ATRNL1: variants seen among roughly 807,000 people sequenced by gnomAD.
The protein encoded by ATRNL1 is attractin-like protein 1.
Under a neutral mutation model 182.7 loss-of-function variants are expected in ATRNL1, and 95 were observed. That is an observed-to-expected ratio of 0.52 (90% CI 0.44 to 0.62). The LOEUF is 0.62. ATRNL1 is among the 20% of genes least tolerant of loss of function. The probability of loss-of-function intolerance (pLI) is 0.00; values close to 1 mark genes in which losing one functional copy is unlikely to be tolerated. For synonymous variants in ATRNL1, 576 were observed against 568.3 expected (o/e 1.01, Z -0.19); for missense variants, 1,471 against 1,679.5 (o/e 0.88, Z 2.17).
intron 28 of ATRNL1, among the ~76,000 whole-genome samples, chr10:115,870,407 T>C (rs1414233014): frequency 6.6e-6 from 1 of 152,232 alleles, no homozygotes; most frequent in Admixed American, 6.5e-5. Context: ...TCCTTTTGCA[T>C]ATGAAGGGCC....
intron 27 of ATRNL1, among the ~76,000 whole-genome samples, chr10:115,735,698 A>G (rs1947931074): frequency 6.6e-6 from 1 of 152,238 alleles, no homozygotes; most frequent in Non-Finnish European, 1.5e-5. Context: ...ACAGCTACTA[A>G]GTGATGAATG....
chr10:115,672,365 T>C (rs549432831), intron 26 of ATRNL1, among the ~76,000 whole-genome samples: 3 of 152,272 alleles, frequency 2.0e-5, no homozygotes, highest in East Asian at 1.9e-4. Context: ...TCCAACTTAT[T>C]GTATTCCTTT....
intron 24 of ATRNL1, among the ~76,000 whole-genome samples, chr10:115,485,776 G>A (rs1554975005): frequency 6.6e-6 from 1 of 151,704 alleles, no homozygotes; most frequent in East Asian, 1.9e-4. Context: ...TAATTTCTGG[G>A]GTACATGTGC....
intron 9 of ATRNL1, among the ~76,000 whole-genome samples, chr10:115,218,275 A>G (rs995129002): frequency 6.6e-6 from 1 of 152,170 alleles, no homozygotes; most frequent in Admixed American, 6.6e-5. Flanking sequence ...CTGTCACTGC[A>G]GAAAACTCTG....
At chr10:115,344,058 ATGAC>A in intron 19 of ATRNL1, among the ~76,000 whole-genome samples, 1 of 152,268 alleles carries the variant, frequency 6.6e-6, no homozygotes, top group South Asian at 2.1e-4. Context: ...CATCACCAGT[ATGAC>A]TGTGCTGGTC....
chr10:115,294,253 G>A (rs1247503391), intron 15 of ATRNL1, among the ~76,000 whole-genome samples: 1 of 152,202 alleles, frequency 6.6e-6, no homozygotes, highest in East Asian at 1.9e-4. Context: ...GGACACTGAA[G>A]TAGGAGGATC....
chr10:115,565,925 C>T (rs376741845), intron 26 of ATRNL1, among the ~76,000 whole-genome samples: 1 of 152,032 alleles, frequency 6.6e-6, no homozygotes, highest in African/African-American at 2.4e-5. Flanking sequence ...GTCTATTTCT[C>T]TAAAATTGTT....
At chr10:115,131,573 G>A (rs1339154157) in intron 5 of ATRNL1, among the ~76,000 whole-genome samples, 2 of 152,104 alleles carry the variant, frequency 1.3e-5, no homozygotes, top group African/African-American at 4.8e-5. Context: ...TATATAGAAT[G>A]GGAAGGAATC....
chr10:115,389,775 A>G (rs1274704166), intron 19 of ATRNL1, among the ~76,000 whole-genome samples: 1 of 151,352 alleles, frequency 6.6e-6, no homozygotes, highest in Non-Finnish European at 1.5e-5. Context: ...TGACACTCCA[A>G]ACTCTTTTCA....
At chr10:115,803,284 A>AT (rs1280169017) in intron 27 of ATRNL1, among the ~76,000 whole-genome samples, 1 of 152,004 alleles carries the variant, frequency 6.6e-6, no homozygotes, top group Non-Finnish European at 1.5e-5. Context: ...ATTCAATAAA[A>AT]TTTATGTTAA....
At chr10:115,189,194 A>C in intron 8 of ATRNL1, among the ~76,000 whole-genome samples, 1 of 152,084 alleles carries the variant, frequency 6.6e-6, no homozygotes, top group East Asian at 1.9e-4. Context: ...TGGTGTAAAC[A>C]AACCTACTTC....
At chr10:115,628,234 A>AT (rs1222978495) in intron 26 of ATRNL1, among the ~76,000 whole-genome samples, 2 of 151,908 alleles carry the variant, frequency 1.3e-5, no homozygotes, top group Admixed American at 6.6e-5. Context: ...GTTTCTTCAC[A>AT]TTTTTGCCAT....
At chr10:115,895,710 A>G (rs1952189759) in intron 28 of ATRNL1, among the ~76,000 whole-genome samples, 2 of 152,236 alleles carry the variant, frequency 1.3e-5, no homozygotes, top group South Asian at 2.1e-4. Flanking sequence ...TGAAGAAGAC[A>G]GACATTTAGA....
intron 1 of ATRNL1, among the ~76,000 whole-genome samples, chr10:115,115,269 G>C (rs1010518069): frequency 6.6e-6 from 1 of 152,128 alleles, no homozygotes; most frequent in East Asian, 1.9e-4. Flanking sequence ...ATTGGTCAAA[G>C]GGTGCAAAGT....
At chr10:115,158,310 T>G (rs1356834743) in intron 5 of ATRNL1, among the ~76,000 whole-genome samples, 1 of 152,048 alleles carries the variant, frequency 6.6e-6, no homozygotes, top group East Asian at 1.9e-4. Flanking sequence ...TAAATACTTT[T>G]TCTTTGCAAG....
At chr10:115,573,635 A>G (rs1854537831) in intron 26 of ATRNL1, among the ~76,000 whole-genome samples, 1 of 152,150 alleles carries the variant, frequency 6.6e-6, no homozygotes, top group South Asian at 2.1e-4. Context: ...TTTTCAGAGC[A>G]GAAGTCTCAG....
rs190752658 is a variant in ATRNL1 at position 115,687,710 on chromosome 10, G to T, written c.3796-39538G>T. Among the ~76,000 whole-genome samples, 165 of 152,012 alleles carry T rather than the reference G, an allele frequency of 1.1e-3. 1 individual carries two copies. Among genetic ancestry groups the T allele is most frequent in the African/African-American group, 3.8e-3 (158 of 41,480 alleles). On this transcript the variant is annotated intron_variant, in intron 26 of 28. Transcript: ENST00000355044. ...ATATAATAATTTATATAGTTACAGGGTCCATGGGAGTGTTTGTTGCAGGCA... is the reference window on the plus strand; with the variant it reads ...ATATAATAATTTATATAGTTACAGGTTCCATGGGAGTGTTTGTTGCAGGCA...
intron 26 of ATRNL1, among the ~76,000 whole-genome samples, chr10:115,556,604 T>G (rs1853328458): frequency 6.6e-6 from 1 of 152,142 alleles, no homozygotes. Context: ...TTAGAATCAA[T>G]CAAATATGGT....
At chr10:115,204,735 G>A (rs1455276056) in intron 8 of ATRNL1, among the ~76,000 whole-genome samples, 3 of 151,956 alleles carry the variant, frequency 2.0e-5, no homozygotes, top group African/African-American at 7.2e-5. Context: ...AGGAATATTG[G>A]CTTTTATATA....
Sources: allele counts gnomAD v4.1 joint callset (sites outside exome capture counted in the v4.1 genomes callset), GRCh38; gene constraint gnomAD v4.1.1; transcripts MANE v1.5; gene names NCBI Gene and HGNC (gene_info 2026-07-23, HGNC 2026-07-21).